Variants in ORC1 observed in about 807,000 individuals in gnomAD.
The protein encoded by ORC1 is origin recognition complex subunit 1.
ORC1 carries 61 observed loss-of-function variants against 98.9 expected under a neutral mutation model. That is an observed-to-expected ratio of 0.62 (90% CI 0.50 to 0.76). The LOEUF (loss-of-function observed/expected upper bound fraction) is 0.76. Among genes scored for constraint, ORC1 ranks in the 30% least tolerant of loss-of-function variants. ORC1 has a pLI of 0.00. For synonymous variants in ORC1, 385 were observed against 406.9 expected (o/e 0.95, Z 0.65); for missense variants, 979 against 1,072.2 (o/e 0.91, Z 1.21).
intron 5 of ORC1, among the ~76,000 whole-genome samples, chr1:52,395,382 G>A (rs1349398138): frequency 6.6e-6 from 1 of 151,832 alleles, no homozygotes; most frequent in East Asian, 1.9e-4. Flanking sequence ...TATAGAAGGT[G>A]GAGTAAGCAG....
chr1:52,403,512 G>C (rs1046763989), intron 1 of ORC1, among the ~76,000 whole-genome samples: 1 of 152,130 alleles, frequency 6.6e-6, no homozygotes, highest in African/African-American at 2.4e-5. Flanking sequence ...AACTCCTTTG[G>C]CATTTCCAGC....
At chr1:52,391,719 T>A (rs924805711) in intron 6 of ORC1, among the ~76,000 whole-genome samples, 1 of 151,800 alleles carries the variant, frequency 6.6e-6, no homozygotes, top group African/African-American at 2.4e-5. Flanking sequence ...GCCAACATGG[T>A]GAAATCCCAC....
intron 7 of ORC1, 66 bp from the exon 8 acceptor site, chr1:52,388,703 A>T (rs1647175804): frequency 2.9e-6 from 4 of 1,369,766 alleles, no homozygotes; most frequent in Non-Finnish European, 4.2e-6. Flanking sequence ...ACTCTATAAC[A>T]TTAGTGTGGA....
In ORC1 at chr1:52,383,868, C is replaced by T. The variant is rs781691049; in HGVS notation, c.1825G>A (p.Gly609Arg). 1 of 1,614,022 alleles carries T rather than the reference C, an allele frequency of 6.2e-7. No homozygotes were observed. Among genetic ancestry groups the T allele is most frequent in the African/African-American group, 1.3e-5 (1 of 74,892 alleles). ...AGGACGGTGGTTTCCTGAGGTGACCCTCGGGTGCAGAATTGCTTTGCCAGC... is the reference window on the plus strand; with the variant it reads ...AGGACGGTGGTTTCCTGAGGTGACCTTCGGGTGCAGAATTGCTTTGCCAGC... ...ELLAKQFCTR[G>R]SPQETTVLLV... Residue 609 changes from glycine (G) to arginine (R), a missense_variant, in exon 12 of 17, where the codon GGG becomes AGG. By Grantham distance (125) the Gly-to-Arg change is moderately radical. Transcript: ENST00000371568.
chr1:52,373,475 C>T, intron 16 of ORC1, 100 bp from the exon 17 acceptor site: 1 of 1,013,194 alleles, frequency 9.9e-7, no homozygotes, highest in African/African-American at 1.6e-5. Context: ...CACATGGCCC[C>T]CAGGATATCA....
upstream of ORC1, chr1:52,404,521 A>G (rs914515037): frequency 2.5e-5 from 12 of 476,824 alleles, no homozygotes; most frequent in Non-Finnish European, 4.1e-5. Flanking sequence ...CGTACACCTA[A>G]GAGGGGCGCA....
At chr1:52,405,671 GT>G, upstream of ORC1, 2 of 1,612,184 alleles carry the variant, frequency 1.2e-6, no homozygotes. Flanking sequence ...TATTGTTTTT[GT>G]TTTTTAGCTG....
intron 4 of ORC1, 99 bp from the exon 5 acceptor site, chr1:52,396,463 C>T: frequency 6.9e-7 from 1 of 1,448,252 alleles, no homozygotes; most frequent in Non-Finnish European, 9.6e-7. Flanking sequence ...AAGTCCACAT[C>T]TGTACCTAAA....
At chr1:52,408,770 A>G (rs894999039), upstream of ORC1, 72 of 1,510,700 alleles carry the variant, frequency 4.8e-5, no homozygotes, top group African/African-American at 6.9e-5. Flanking sequence ...TTGCATTGTC[A>G]TAGACAGTGT....
Position 52,393,565 on chromosome 1 carries a change from G to C in ORC1, c.960C>G (p.Thr320=), listed in dbSNP as rs1647272358. The change falls in exon 6 of 17, where the codon ACC becomes ACG. Residue 320 remains threonine (T), a synonymous_variant. Transcript: ENST00000371568. The part of the protein sequence containing the change: ...ASPEHRIILR[T]RIAASKTIDI... The stretch of plus-strand genomic sequence containing the variant: ...CTATGGTTTTCGAAGCTGCAATTCG[G>C]GTTCTCAGGATTATGCGATGTTCAG... The C allele has an allele frequency of 6.2e-7, 1 of 1,614,090 alleles. No individual in the cohort carries two copies. Among genetic ancestry groups the C allele is most frequent in the Admixed American group, 1.7e-5 (1 of 60,014 alleles).
At chr1:52,387,618 T>C (rs943817522) in intron 8 of ORC1, among the ~76,000 whole-genome samples, 1 of 152,054 alleles carries the variant, frequency 6.6e-6, no homozygotes, top group Admixed American at 6.5e-5. Context: ...CCACCATGCC[T>C]GGCTAATTTT....
chr1:52,404,797 C>T (rs756814065), upstream of ORC1: 6 of 1,614,190 alleles, frequency 3.7e-6, no homozygotes, highest in South Asian at 5.5e-5. Flanking sequence ...ATGGCACCAA[C>T]CCTCAATATC....
chr1:52,404,648 T>G, upstream of ORC1: 1 of 1,359,618 alleles, frequency 7.4e-7, no homozygotes, highest in Non-Finnish European at 1.0e-6. Flanking sequence ...AGCTGTTTAG[T>G]GAAACTTCTT....
At chr1:52,375,838 A>G (rs763282742) in intron 14 of ORC1, among the ~76,000 whole-genome samples, 1 of 152,252 alleles carries the variant, frequency 6.6e-6, no homozygotes, top group Non-Finnish European at 1.5e-5. Context: ...TCTCAGCTTT[A>G]CTATTCAGGA....
rs138334837 is a variant in ORC1, at chr1:52,379,736, C to G, written c.2133+1906G>C. Among the ~76,000 whole-genome samples the G allele has an allele frequency of 4.1e-3, 629 of 151,624 alleles. 28 individuals carry two copies. The East Asian group carries it at 0.11, about 26-fold the overall frequency. On this transcript the variant is annotated intron_variant, in intron 14 of 16. Coordinates refer to ENST00000371568, the MANE Select transcript of ORC1 (RefSeq NM_004153.4). ...GATCAGGAGGTCAAGAGATTGAGAC[C>G]AGCCTGGCCAACATGGTTAAACCCT...
At chr1:52,397,543 A>G in intron 4 of ORC1, 142 bp downstream of exon 4, 1 of 816,694 alleles carries the variant, frequency 1.2e-6, no homozygotes, top group Admixed American at 2.0e-5. Flanking sequence ...GAGATGAAAC[A>G]GACAGGCAAG....
intron 14 of ORC1, among the ~76,000 whole-genome samples, chr1:52,380,032 T>A (rs1478826611): frequency 1.3e-5 from 2 of 152,190 alleles, no homozygotes; most frequent in African/African-American, 4.8e-5. Context: ...AGAAGAGGTG[T>A]CCCTTACCAA....
chr1:52,403,924 G>A (rs1423654247), intron 1 of ORC1, among the ~76,000 whole-genome samples: 2 of 152,214 alleles, frequency 1.3e-5, no homozygotes, highest in Non-Finnish European at 2.9e-5. Context: ...CAAGTAGAGT[G>A]CTTTACAAAT....
At chr1:52,377,483 C>T (rs929115278) in intron 14 of ORC1, among the ~76,000 whole-genome samples, 8 of 151,970 alleles carry the variant, frequency 5.3e-5, no homozygotes, top group African/African-American at 1.7e-4. Flanking sequence ...ATATGTTGCC[C>T]AGGCTGGTCT....
Sources: gnomAD v4.1 joint callset for allele counts (sites outside exome capture counted in the v4.1 genomes callset) on GRCh38, gnomAD v4.1.1 for gene constraint, MANE v1.5 for transcripts, NCBI Gene and HGNC (gene_info 2026-07-23, HGNC 2026-07-21) for gene names.